The following PTBP3 variants were observed in gnomAD, a reference collection of about 807,000 sequenced individuals.
The protein encoded by PTBP3 is polypyrimidine tract binding protein 3, also known as polypyrimidine tract-binding protein 3.
Under a neutral mutation model 58.7 loss-of-function variants are expected in PTBP3, and 20 were observed. The observed-to-expected ratio is 0.34, with a 90% CI of 0.24 to 0.50. The LOEUF is 0.50. Ranked by LOEUF, PTBP3 falls within the 20% of genes least tolerant of loss-of-function variation. The probability of loss-of-function intolerance (pLI) is 0.98; values close to 1 mark genes in which losing one functional copy is unlikely to be tolerated. For synonymous variants in PTBP3, 185 were observed against 219.8 expected (o/e 0.84, Z 1.40); for missense variants, 509 against 637.2 (o/e 0.80, Z 2.17).
At chr9:112,371,418 C>A in the PTBP3 span, among the ~76,000 whole-genome samples, 1 of 152,032 alleles carries the variant, frequency 6.6e-6, no homozygotes, top group Non-Finnish European at 1.5e-5. Flanking sequence ...GGATTTTTCA[C>A]GTGAACCCCT....
intron 1 of PTBP3, among the ~76,000 whole-genome samples, chr9:112,306,607 TTTG>T (rs952557399): frequency 0.12 from 5,895 of 50,460 alleles, 322 homozygotes; most frequent in African/African-American, 0.36. Context: ...TATATATATT[TTTG>T]TTTGTTTGTT....
At position 112,333,599 on chromosome 9, in the gene PTBP3, G is replaced by A. The variant is rs1053640587; in HGVS notation, c.-181C>T. On this transcript the variant is annotated 5_prime_UTR_variant, in exon 1 of 14. Coordinates refer to ENST00000374257, the MANE Select transcript of PTBP3 (RefSeq NM_001163788.4). ...GCTTTGGCTCTGCGGAGCCCCGGCC[G>A]GTCCGAGGTGGAAGGAGAGTGGGAA... is the stretch of plus-strand genomic sequence containing the variant. 2.0e-4 allele frequency: 239 copies of A among 1,209,816 alleles called. No individual in the cohort carries two copies. Among genetic ancestry groups the A allele is most frequent in the Non-Finnish European group, 2.5e-4 (216 of 849,916 alleles). 74.9% of individuals were successfully genotyped at this position (1,209,816 alleles called of 1,614,324 possible).
intron 3 of PTBP3, among the ~76,000 whole-genome samples, chr9:112,270,271 AC>A (rs1157369443): frequency 5.9e-5 from 9 of 152,074 alleles, no homozygotes; most frequent in Non-Finnish European, 1.0e-4. Flanking sequence ...TCCAATTAAC[AC>A]CCATGTTACA....
intron 2 of PTBP3, among the ~76,000 whole-genome samples, chr9:112,295,601 T>TA (rs35276003): frequency 0.51 from 47,001 of 92,168 alleles, 12,017 homozygotes; most frequent in African/African-American, 0.69. Flanking sequence ...GTTCTGTTGG[T>TA]AAAAAAAAAA....
chr9:112,245,461 T>C (rs1386926578), intron 7 of PTBP3, among the ~76,000 whole-genome samples: 1 of 152,106 alleles, frequency 6.6e-6, no homozygotes, highest in Non-Finnish European at 1.5e-5. Context: ...ATGTAAAGGG[T>C]GCTGGACAGG....
At chr9:112,234,723 A>C in intron 8 of PTBP3, 97 bp downstream of exon 8, 2 of 1,187,000 alleles carry the variant, frequency 1.7e-6, no homozygotes, top group South Asian at 2.7e-5. Context: ...CTTTATGGTA[A>C]ATTCTTCAAA....
chr9:112,320,277 C>T (rs1274826394), intron 1 of PTBP3, among the ~76,000 whole-genome samples: 1 of 25,732 alleles, frequency 3.9e-5, no homozygotes, highest in Non-Finnish European at 6.1e-5. Context: ...GACCCTTTCT[C>T]TTAAAAAAAA....
intron 2 of PTBP3, among the ~76,000 whole-genome samples, chr9:112,282,080 G>A (rs190964901): frequency 4.6e-4 from 70 of 152,074 alleles, no homozygotes; most frequent in Non-Finnish European, 8.2e-4. Flanking sequence ...ATCCCCTCAT[G>A]AGGGCACCAC....
chr9:112,255,445 C>T (rs1836306865), intron 5 of PTBP3, among the ~76,000 whole-genome samples: 1 of 152,116 alleles, frequency 6.6e-6, no homozygotes. Context: ...CATGCAGCAA[C>T]TCAATGTTTT....
At chr9:112,350,037 G>GTT in the PTBP3 span, among the ~76,000 whole-genome samples, 1 of 148,536 alleles carries the variant, frequency 6.7e-6, no homozygotes, top group African/African-American at 2.5e-5. Flanking sequence ...TCCTCAGATG[G>GTT]TTTTTTTTTT....
intron 1 of PTBP3, among the ~76,000 whole-genome samples, chr9:112,316,983 A>C (rs989899335): frequency 6.6e-6 from 1 of 150,944 alleles, no homozygotes; most frequent in Non-Finnish European, 1.5e-5. Flanking sequence ...AAAAAAAAAA[A>C]ACAGTAAAGA....
intron 1 of PTBP3, among the ~76,000 whole-genome samples, chr9:112,312,997 T>C (rs1259745143): frequency 6.6e-6 from 1 of 151,850 alleles, no homozygotes. Flanking sequence ...TGAGCTGAAA[T>C]TGTGCCACTG....
chr9:112,251,064 G>C lies in PTBP3; in HGVS notation c.667C>G (p.Leu223Val). Reference sequence around the variant, plus strand: ...GTGAGCTTGGAGAAGTCAATGCGCAGAGTGCAGCATGCATTATAGATATTC... The same window carrying C: ...GTGAGCTTGGAGAAGTCAATGCGCACAGTGCAGCATGCATTATAGATATTC... ...GQNIYNACCTLRIDFSKLTSL... is the reference protein window; with the variant it reads ...GQNIYNACCTVRIDFSKLTSL... The change falls in exon 7 of 14, where the codon CTG (leucine) becomes GTG (valine). Residue 223 changes from leucine to valine, a missense_variant. Leu to Val is a conservative substitution (Grantham distance 32). Around this residue, in one of 4 missense-constraint regions of PTBP3, gnomAD observed 41 missense variants for 78.0 expected, o/e 0.53. Transcript: ENST00000374257. 1 of 1,611,726 alleles carries C rather than the reference G, an allele frequency of 6.2e-7. No homozygotes were observed. The highest frequency in any genetic ancestry group is 8.5e-7 in the Non-Finnish European group (1 of 1,178,734).
rs191793628 is a variant in PTBP3, at chr9:112,250,672, G to A, written c.802+257C>T. On this transcript the variant is annotated intron_variant, in intron 7 of 13. Transcript: ENST00000374257. ...ACTACTAATTTGAAGCAAATGGTTT[G>A]TGGCTTTTAAAGAATGAGTAATATC... Among the ~76,000 whole-genome samples the A allele has an allele frequency of 3.3e-5, 5 of 152,234 alleles. No individual in the cohort carries two copies. The East Asian group carries it at 9.6e-4, about 29-fold the overall frequency.
intron 5 of PTBP3, among the ~76,000 whole-genome samples, chr9:112,255,387 G>A (rs1199411863): frequency 6.6e-6 from 1 of 152,050 alleles, no homozygotes; most frequent in Non-Finnish European, 1.5e-5. Flanking sequence ...TATATATTTT[G>A]CCACTTGAAT....
In PTBP3 at chr9:112,219,965, A is replaced by G. The variant is rs563045166; in HGVS notation, c.*3886T>C. 2 of 612,336 alleles carry G rather than the reference A, an allele frequency of 3.3e-6. No individual in the cohort carries two copies. The highest frequency in any genetic ancestry group is 8.4e-5 in the South Asian group (2 of 23,732). The allele number at this position is 612,336 out of a possible 1,614,324, so 37.9% of individuals were successfully genotyped here. A position where few individuals can be genotyped will look rare whatever the true frequency, so the allele number is the denominator to read the frequency against. Reference sequence around the variant, plus strand: ...AAAGACAGCTGAGTTATATTTTCAAATTTTGTGCAATCTAAATTGTATTTC... The same window carrying G: ...AAAGACAGCTGAGTTATATTTTCAAGTTTTGTGCAATCTAAATTGTATTTC... On this transcript the variant is annotated 3_prime_UTR_variant, in exon 14 of 14. Transcript: ENST00000374257.
intron 1 of PTBP3, among the ~76,000 whole-genome samples, chr9:112,318,855 C>A (rs888211374): frequency 2.6e-5 from 4 of 151,890 alleles, no homozygotes; most frequent in African/African-American, 9.7e-5. Flanking sequence ...GGGCCGGGCA[C>A]AGTGGCTCAC....
chr9:112,273,056 A>AT (rs1177868730), intron 3 of PTBP3, among the ~76,000 whole-genome samples: 7 of 152,240 alleles, frequency 4.6e-5, no homozygotes, highest in Admixed American at 2.0e-4. Context: ...AACATGATGT[A>AT]TAACTGTACC....
intron 1 of PTBP3, among the ~76,000 whole-genome samples, chr9:112,324,242 C>T (rs1830064448): frequency 2.6e-5 from 4 of 151,518 alleles, no homozygotes; most frequent in Admixed American, 6.6e-5. Context: ...AATGGACCTG[C>T]GAAAAGTTTT....
Sources: allele counts gnomAD v4.1 joint callset (sites outside exome capture counted in the v4.1 genomes callset), GRCh38; gene constraint gnomAD v4.1.1; regional missense constraint gnomAD v4.1.1; transcripts MANE v1.5; gene names NCBI Gene and HGNC (gene_info 2026-07-23, HGNC 2026-07-21).